Variants in GPRC5B observed in about 807,000 individuals in gnomAD.
The protein encoded by GPRC5B is G protein-coupled receptor family C group 5 member B.
In GPRC5B, 16 loss-of-function variants were observed where a neutral mutation model predicts 30.1. The ratio of observed to expected loss-of-function variants is 0.53; its 90% CI spans 0.36 to 0.81. The LOEUF is 0.81. GPRC5B is among the 30% of genes least tolerant of loss of function. The pLI is 0.01. For missense variants in GPRC5B, 428 were observed against 544.7 expected (o/e 0.79, Z 2.13); for synonymous variants, 241 against 239.5 (o/e 1.01, Z -0.06).
chr16:19,868,311 TG>T (rs1162239988), intron 2 of GPRC5B, among the ~76,000 whole-genome samples: 1 of 151,580 alleles, frequency 6.6e-6, no homozygotes, highest in Non-Finnish European at 1.5e-5. Context: ...AGGCGGAGGT[TG>T]TGGTGAGCTG....
rs1255814711 is a variant in GPRC5B, at chr16:19,872,113, G to C, written c.733C>G (p.Leu245Val). 1 of 1,614,118 alleles carries C rather than the reference G, an allele frequency of 6.2e-7. No individual in the cohort carries two copies. The highest frequency in any genetic ancestry group is 8.5e-7 in the Non-Finnish European group (1 of 1,179,998). ...FLLITAFLSV[L>V]IWVAWMTMYL... is the part of the protein sequence containing the mutation. The stretch of plus-strand genomic sequence containing the variant: ...ATGGTCATCCAGGCCACCCAGATGA[G>C]CACAGAGAGGAAGGCTGTGATGAGG... The change falls in exon 2 of 4, where the codon CTC (leucine) becomes GTC (valine). Residue 245 changes from leucine (L) to valine (V), a missense_variant. By Grantham distance (32) the Leu-to-Val change is conservative (BLOSUM62 1). Around this residue, in one of 3 missense-constraint regions of GPRC5B, gnomAD observed 213 missense variants for 229.1 expected, o/e 0.93. Transcript: ENST00000300571. This position sits in a 1 kb window ranked among gnomAD's most constrained non-coding sequence, Gnocchi z 5.0.
At chr16:19,868,793 G>GC (rs1216721071) in intron 2 of GPRC5B, among the ~76,000 whole-genome samples, 1 of 152,178 alleles carries the variant, frequency 6.6e-6, no homozygotes, top group African/African-American at 2.4e-5. Context: ...GGGGGAGGGG[G>GC]CCCATCCACG....
chr16:19,862,268 G>A (rs1396490437), intron 2 of GPRC5B: 4 of 362,826 alleles, frequency 1.1e-5, no homozygotes, highest in East Asian at 5.7e-5. Context: ...TCTGCAGGCC[G>A]CGGGTGACAG....
chr16:19,870,046 G>A (rs973065269), intron 2 of GPRC5B, among the ~76,000 whole-genome samples: 2 of 152,132 alleles, frequency 1.3e-5, no homozygotes, highest in East Asian at 3.9e-4. Flanking sequence ...CTGCACTCTA[G>A]CCTGGGCAAC....
chr16:19,879,592 G>T (rs1166213448), intron 1 of GPRC5B, among the ~76,000 whole-genome samples: 2 of 152,068 alleles, frequency 1.3e-5, no homozygotes, highest in African/African-American at 4.8e-5. Context: ...GGAAAACAAG[G>T]CCTGCCCGGA....
At chr16:19,877,088 G>A (rs2056764663) in intron 1 of GPRC5B, among the ~76,000 whole-genome samples, 1 of 152,216 alleles carries the variant, frequency 6.6e-6, no homozygotes, top group African/African-American at 2.4e-5. Flanking sequence ...GAGGCCTGAA[G>A]CTGGAGAACA....
At chr16:19,869,196 GCA>G (rs2056692048) in intron 2 of GPRC5B, among the ~76,000 whole-genome samples, 1 of 151,872 alleles carries the variant, frequency 6.6e-6, no homozygotes, top group Admixed American at 6.6e-5. Flanking sequence ...AGGCGTGATG[GCA>G]TGCACCTGTA....
chr16:19,861,087 TA>T (rs3067833), intron 3 of GPRC5B, among the ~76,000 whole-genome samples: 1,248 of 93,356 alleles, frequency 0.013, 31 homozygotes, highest in African/African-American at 0.044. Context: ...CTGATTTACA[TA>T]AAAAAAAAAA....
At position 19,860,316 on chromosome 16, in the gene GPRC5B, G is replaced by A. The variant is rs186445531; in HGVS notation, c.*184C>T. On this transcript the variant is annotated 3_prime_UTR_variant, in exon 4 of 4. Coordinates refer to ENST00000300571, the MANE Select transcript of GPRC5B (RefSeq NM_016235.3). Reference sequence around the variant, plus strand: ...TGTGGCAGGGGAGGGGCGGGCAGTCGGTGTTAGCTTTTCAGTTCGTCAGTG... The same window carrying A: ...TGTGGCAGGGGAGGGGCGGGCAGTCAGTGTTAGCTTTTCAGTTCGTCAGTG... 5.8e-4 allele frequency: 340 copies of A among 582,284 alleles called. 3 individuals are homozygous for A. The highest frequency in any genetic ancestry group is 5.2e-3 in the African/African-American group (280 of 53,438). The allele number at this position is 582,284 out of a possible 1,614,324, so 36.1% of individuals were successfully genotyped here.
In GPRC5B at chr16:19,861,087, T is replaced by TAAAAAAAAAAAAAAAAAAA. The variant is rs3067833; in HGVS notation, c.1168-544_1168-543insTTTTTTTTTTTTTTTTTTT. Reference sequence around the variant, plus strand: ...GATCAAAGACCATCCCTGATTTACATAAAAAAAAAAAAAAAAAGAAGAATG... The same window carrying TAAAAAAAAAAAAAAAAAAA: ...GATCAAAGACCATCCCTGATTTACATAAAAAAAAAAAAAAAAAAAAAAAAAAAAAAAAAAAAGAAGAATG... On this transcript the variant is annotated intron_variant, in intron 3 of 3. Coordinates refer to ENST00000300571, the MANE Select transcript of GPRC5B (RefSeq NM_016235.3). 2.7e-3 allele frequency among the ~76,000 whole-genome samples: 253 copies of TAAAAAAAAAAAAAAAAAAA among 93,318 alleles called. 14 individuals are homozygous for TAAAAAAAAAAAAAAAAAAA. The highest frequency in any genetic ancestry group is 0.012 in the African/African-American group (238 of 20,434). The allele number at this position is 93,318 out of a possible 152,430, so 61.2% of individuals were successfully genotyped here.
At position 19,862,016 on chromosome 16, in the gene GPRC5B, AG is replaced by A. The variant is rs774940563; in HGVS notation, c.1031-44del. On this transcript the variant is annotated intron_variant, in intron 2 of 3. Coordinates refer to ENST00000300571, the MANE Select transcript of GPRC5B (RefSeq NM_016235.3). ...TGGCAAGACAACATTGCCAAAAAAA[AG>A]ACACAATTTTGTTTTCTTCCCCTGC... The A allele has an allele frequency of 2.2e-5, 35 of 1,609,642 alleles. No individual in the cohort carries two copies. In the African/African-American group the frequency reaches 4.4e-4, roughly 20 times the overall value.
At chr16:19,885,453 C>T (rs578112604), upstream of GPRC5B, 280 of 1,135,132 alleles carry the variant, frequency 2.5e-4, no homozygotes, top group African/African-American at 4.4e-3. This position sits in a 1 kb window ranked among gnomAD's most constrained non-coding sequence, Gnocchi z 5.3. Context: ...CTCCTCACTG[C>T]CCAACTCCCA....
intron 2 of GPRC5B, among the ~76,000 whole-genome samples, chr16:19,871,316 AC>A (rs1444823097): frequency 1.3e-5 from 2 of 151,372 alleles, no homozygotes; most frequent in African/African-American, 4.9e-5. Flanking sequence ...AAAGAAAAAA[AC>A]AAAAAACAAA....
chr16:19,878,155 C>T (rs1634669), intron 1 of GPRC5B, among the ~76,000 whole-genome samples: 21,095 of 149,928 alleles, frequency 0.14, 1,807 homozygotes, highest in Non-Finnish European at 0.19. Flanking sequence ...GCCGAGGTCA[C>T]GCCACTGCAC....
intron 1 of GPRC5B, among the ~76,000 whole-genome samples, chr16:19,883,233 C>T (rs571228601): frequency 4.6e-5 from 7 of 151,506 alleles, no homozygotes; most frequent in African/African-American, 1.7e-4. Context: ...CTGAGTTTAT[C>T]TTTCTAACAA....
chr16:19,865,321 C>G (rs112111324), intron 2 of GPRC5B, among the ~76,000 whole-genome samples: 4 of 152,070 alleles, frequency 2.6e-5, no homozygotes, highest in South Asian at 2.1e-4. Flanking sequence ...GGCTTCGATG[C>G]GTTTATCAAG....
chr16:19,862,067 C>A (rs905928725), intron 2 of GPRC5B, 94 bp from the exon 3 acceptor site: 49 of 1,125,514 alleles, frequency 4.4e-5, no homozygotes, highest in Middle Eastern at 2.3e-4. Flanking sequence ...CCGGGCACCC[C>A]CATCCACCCA....
chr16:19,866,706 A>G (rs1386711824), intron 2 of GPRC5B, among the ~76,000 whole-genome samples: 1 of 152,112 alleles, frequency 6.6e-6, no homozygotes, highest in Non-Finnish European at 1.5e-5. Context: ...TTGAACCTAC[A>G]TGATTCCACT....
chr16:19,866,550 T>G (rs989854332), intron 2 of GPRC5B, among the ~76,000 whole-genome samples: 1 of 151,978 alleles, frequency 6.6e-6, no homozygotes, highest in African/African-American at 2.4e-5. Flanking sequence ...TATTATTTTT[T>G]GTATTTTTAG....
Sources: allele counts gnomAD v4.1 joint callset (sites outside exome capture counted in the v4.1 genomes callset), GRCh38; gene constraint gnomAD v4.1.1; regional missense constraint gnomAD v4.1.1; non-coding constraint Gnocchi (gnomAD v3.1); transcripts MANE v1.5; gene names NCBI Gene and HGNC (gene_info 2026-07-23, HGNC 2026-07-21).